The following MTO1 variants were observed in gnomAD, a reference collection of about 807,000 sequenced individuals.
MTO1 encodes the protein 5-taurinomethyluridine-[tRNA] synthase subunit MTO1, mitochondrial.
MTO1 carries 46 observed loss-of-function variants against 71.6 expected under a neutral mutation model. The observed-to-expected ratio is 0.64, with a 90% CI of 0.51 to 0.82. The LOEUF (loss-of-function observed/expected upper bound fraction) is 0.82. Ranked by LOEUF, MTO1 falls within the 40% of genes least tolerant of loss-of-function variation. The pLI, the probability that MTO1 is intolerant of heterozygous loss-of-function variation, is 0.00. For missense variants in MTO1, 773 were observed against 867.5 expected, an observed-to-expected ratio of 0.89 and a Z score of 1.37; for synonymous variants, 297 against 312.1, an observed-to-expected ratio of 0.95 and a Z score of 0.51.
At position 73,500,707 on chromosome 6, in the gene MTO1, C is replaced by T; in HGVS notation, c.2051C>T (p.Ala684Val). Residue 684 changes from alanine to valine, a missense_variant, in exon 12 of 12, where the codon GCA becomes GTA. By Grantham distance (64) the Ala-to-Val change is moderately conservative. Coordinates refer to ENST00000498286, the MANE Select transcript of MTO1 (RefSeq NM_012123.4). ...AAGACTGATCAATACTTATGTGATG[C>T]AGACAGACTTCAAGAGAGAGAGTTA... ...SSKTDQYLCD[A>V]DRLQEREL The T allele has an allele frequency of 6.2e-7, 1 of 1,600,652 alleles. No homozygotes were observed. Among genetic ancestry groups the T allele is most frequent in the East Asian group, 2.3e-5 (1 of 44,376 alleles).
At chr6:73,474,348 G>A (rs1771246003) in intron 4 of MTO1, among the ~76,000 whole-genome samples, 2 of 152,132 alleles carry the variant, frequency 1.3e-5, no homozygotes, top group Admixed American at 6.6e-5. Flanking sequence ...CTCTCAAAGT[G>A]CTGGGATTAT....
chr6:73,481,592 C>T (rs574514579), intron 7 of MTO1, among the ~76,000 whole-genome samples: 21 of 151,972 alleles, frequency 1.4e-4, no homozygotes, highest in African/African-American at 3.6e-4. Flanking sequence ...GTAGTGAGAC[C>T]CCCATCTCTA....
chr6:73,471,351 C>T (rs1465663470), intron 3 of MTO1: 1 of 383,556 alleles, frequency 2.6e-6, no homozygotes, highest in African/African-American at 2.2e-5. Flanking sequence ...CCCCGACTTT[C>T]TTTATTTTCC....
chr6:73,492,849 G>A (rs983579260), intron 10 of MTO1: 1 of 151,738 alleles, frequency 6.6e-6, no homozygotes, highest in Non-Finnish European at 1.5e-5. Flanking sequence ...CAGACCCTCA[G>A]GCTTCACCTC....
At chr6:73,483,217 T>C (rs1434546656) in intron 9 of MTO1, among the ~76,000 whole-genome samples, 1 of 152,064 alleles carries the variant, frequency 6.6e-6, no homozygotes, top group Non-Finnish European at 1.5e-5. Flanking sequence ...GAGACCTGCC[T>C]GGCCAATGTG....
At chr6:73,494,356 G>T (rs1230712547) in intron 10 of MTO1, among the ~76,000 whole-genome samples, 1 of 152,206 alleles carries the variant, frequency 6.6e-6, no homozygotes, top group African/African-American at 2.4e-5. Context: ...AACATGGTGA[G>T]AAGGGAAGAC....
In MTO1 at chr6:73,479,814, G is replaced by A. The variant is rs1450029221; in HGVS notation, c.908G>A (p.Ser303Asn). 1.9e-6 allele frequency: 3 copies of A among 1,613,824 alleles called. No homozygotes were observed. Among genetic ancestry groups the A allele is most frequent in the Admixed American group, 3.3e-5 (2 of 60,000 alleles). ...EIVLKNLHLN[S>N]HVKETTRGPR... ...GTCCTTAAGAACCTTCACCTTAATA[G>A]TCATGTTAAAGAAACGACAAGAGGA... is the stretch of plus-strand genomic sequence containing the variant. The change falls in exon 5 of 12, where the codon AGT (serine) becomes AAT (asparagine). Residue 303 changes from serine to asparagine, a missense_variant. Ser to Asn is a conservative substitution (Grantham distance 46, BLOSUM62 1). Coordinates refer to ENST00000498286, the MANE Select transcript of MTO1 (RefSeq NM_012123.4).
At chr6:73,463,216 A>G (rs1346355934) in intron 1 of MTO1, among the ~76,000 whole-genome samples, 1 of 151,520 alleles carries the variant, frequency 6.6e-6, no homozygotes, top group African/African-American at 2.4e-5. Context: ...TATTTTTAGT[A>G]GAGTCGGGGT....
At chr6:73,465,627 T>G (rs1269162484) in intron 1 of MTO1, among the ~76,000 whole-genome samples, 1 of 152,066 alleles carries the variant, frequency 6.6e-6, no homozygotes, top group Admixed American at 6.6e-5. Context: ...GGGGTAAGGA[T>G]TACATGTTTG....
In MTO1 at chr6:73,509,077, A is replaced by G. The variant is rs1772358803; in HGVS notation, c.*8342A>G. On this transcript the variant is annotated 3_prime_UTR_variant, in exon 12 of 12. Transcript: ENST00000498286. ...TGGTAACTTGGTTTATCCCAACACCAACTAGGATATTCCCTCAATCACATG... is the reference window on the plus strand; with the variant it reads ...TGGTAACTTGGTTTATCCCAACACCGACTAGGATATTCCCTCAATCACATG... 1 of 152,244 alleles carries G rather than the reference A, an allele frequency of 6.6e-6. No individual in the cohort carries two copies. Among genetic ancestry groups the G allele is most frequent in the Non-Finnish European group, 1.5e-5 (1 of 68,040 alleles). The allele number at this position is 152,244 out of a possible 1,614,324, so 9.4% of individuals were successfully genotyped here.
chr6:73,508,493 CTGTGCTATGTGTATGTGG>C lies in MTO1; in HGVS notation c.*7762_*7779del, dbSNP rs1772347582. The C allele has an allele frequency of 6.6e-6, 1 of 152,114 alleles. No homozygotes were observed. Among genetic ancestry groups the C allele is most frequent in the Non-Finnish European group, 1.5e-5 (1 of 68,032 alleles). The allele number at this position is 152,114 out of a possible 1,614,324, so 9.4% of individuals were successfully genotyped here. ...TACTGTATTTTGACACAAGACCAGA[CTGTGCTATGTGTATGTGG>C]TGTTTCAAGTAATTTAAGAAAACTG... On this transcript the variant is annotated 3_prime_UTR_variant, in exon 12 of 12. Transcript: ENST00000498286.
In MTO1 at chr6:73,466,291, T is replaced by G; in HGVS notation, c.300T>G (p.Cys100Trp). The G allele has an allele frequency of 6.2e-7, 1 of 1,614,136 alleles. No individual in the cohort carries two copies. Among genetic ancestry groups the G allele is most frequent in the Non-Finnish European group, 8.5e-7 (1 of 1,179,988 alleles). ...MREVDALDGL[C>W]SRICDQSGVH... ...AAGTAGATGCCTTGGATGGCCTGTG[T>G]TCTCGCATCTGTGACCAGTCTGGTG... is the stretch of plus-strand genomic sequence containing the variant. Residue 100 changes from cysteine (C) to tryptophan (W), a missense_variant, in exon 2 of 12, where the codon TGT becomes TGG. By Grantham distance (215) the Cys-to-Trp change is radical. Coordinates refer to ENST00000498286, the MANE Select transcript of MTO1 (RefSeq NM_012123.4).
chr6:73,495,105 A>G (rs1186819332), intron 10 of MTO1, among the ~76,000 whole-genome samples: 2 of 152,004 alleles, frequency 1.3e-5, no homozygotes, highest in Non-Finnish European at 2.9e-5. Flanking sequence ...CAGTCCCACA[A>G]AGGCCTATCA....
At position 73,483,653 on chromosome 6, in the gene MTO1, C is replaced by T. The variant is rs574829876; in HGVS notation, c.1637+1033C>T. ...TTTTTTTGAGATGGAGTTTCACTCT[C>T]CTTGCTCAGGCTAGAGTGCAATGGT... On this transcript the variant is annotated intron_variant, in intron 9 of 11. Coordinates refer to ENST00000498286, the MANE Select transcript of MTO1 (RefSeq NM_012123.4). Among the ~76,000 whole-genome samples the T allele has an allele frequency of 2.3e-3, 357 of 152,070 alleles. 2 individuals are homozygous for T. The highest frequency in any genetic ancestry group is 5.4e-3 in the Admixed American group (82 of 15,240).
Position 73,479,760 on chromosome 6 carries a change from C to T in MTO1, c.854C>T (p.Thr285Ile), listed in dbSNP as rs746159913. The T allele has an allele frequency of 6.2e-7, 1 of 1,613,628 alleles. No homozygotes were observed. Among genetic ancestry groups the T allele is most frequent in the Non-Finnish European group, 8.5e-7 (1 of 1,179,874 alleles). The stretch of plus-strand genomic sequence containing the variant: ...GAAGATCAGCTGCCATGTTACTTGA[C>T]TCACACCAACCCTAGAGTGGATGAG... ...KPEDQLPCYL[T>I]HTNPRVDEIV... The change falls in exon 5 of 12, where the codon ACT becomes ATT. Residue 285 changes from threonine to isoleucine, a missense_variant. Coordinates refer to ENST00000498286, the MANE Select transcript of MTO1 (RefSeq NM_012123.4).
At chr6:73,491,989 C>G (rs1192745796) in intron 9 of MTO1, 2 of 346,910 alleles carry the variant, frequency 5.8e-6, no homozygotes, top group African/African-American at 4.2e-5. Context: ...GTAGTCCCAG[C>G]TACTAGGGAG....
chr6:73,486,956 CTATAAT>C (rs1326339233), intron 9 of MTO1, among the ~76,000 whole-genome samples: 3 of 152,068 alleles, frequency 2.0e-5, no homozygotes, highest in Middle Eastern at 3.4e-3. Context: ...GACCCATTCT[CTATAAT>C]AATAATAATA....
At chr6:73,486,282 G>A (rs562296436) in intron 9 of MTO1, among the ~76,000 whole-genome samples, 1 of 152,202 alleles carries the variant, frequency 6.6e-6, no homozygotes, top group South Asian at 2.1e-4. Context: ...GTACATTTCA[G>A]TAGTTTAAGT....
rs1772215826 is a variant in MTO1 at position 73,503,573 on chromosome 6, A to AAGG, written c.*2838_*2839insAGG. 1 of 152,268 alleles carries AAGG rather than the reference A, an allele frequency of 6.6e-6. No individual in the cohort carries two copies. The highest frequency in any genetic ancestry group is 1.5e-5 in the Non-Finnish European group (1 of 68,066). The allele number at this position is 152,268 out of a possible 1,614,324, so 9.4% of individuals were successfully genotyped here. ...CTAAAAATGTAACCTTACTCAATGT[A>AAGG]GTTACTTCATAGAAATCCCATCACT... On this transcript the variant is annotated 3_prime_UTR_variant, in exon 12 of 12. Transcript: ENST00000498286.
Sources: gnomAD v4.1 joint callset for allele counts (sites outside exome capture counted in the v4.1 genomes callset) on GRCh38, gnomAD v4.1.1 for gene constraint, MANE v1.5 for transcripts, NCBI Gene and HGNC (gene_info 2026-07-23, HGNC 2026-07-21) for gene names.